Variants in NAV2 observed in about 807,000 individuals in gnomAD.
NAV2 encodes helicase, APC down-regulated 1.
A neutral mutation model predicts 223.2 loss-of-function variants in NAV2; 54 were observed. That is an observed-to-expected ratio of 0.24 (90% CI 0.19 to 0.30). NAV2 has a LOEUF of 0.30. Ranked by LOEUF, NAV2 falls within the 10% of genes least tolerant of loss-of-function variation. NAV2 has a pLI of 1.00. For synonymous variants in NAV2, 1,279 were observed against 1,239.3 expected, an observed-to-expected ratio of 1.03 and a Z score of -0.67; for missense variants, 2,806 against 3,147.5, an observed-to-expected ratio of 0.89 and a Z score of 2.60.
At chr11:20,072,290 G>T (rs1438829134) in intron 22 of NAV2, among the ~76,000 whole-genome samples, 2 of 152,102 alleles carry the variant, frequency 1.3e-5, no homozygotes, top group Non-Finnish European at 2.9e-5. Context: ...CTGTCCCATT[G>T]GTCTATATAT....
intron 1 of NAV2, among the ~76,000 whole-genome samples, chr11:19,669,799 A>G (rs893860210): frequency 2.6e-5 from 4 of 152,224 alleles, no homozygotes; most frequent in Non-Finnish European, 5.9e-5. Flanking sequence ...ACAAGTGCCA[A>G]TGAGTGAGAC....
intron 11 of NAV2, among the ~76,000 whole-genome samples, chr11:19,987,715 A>AG (rs2050922050): frequency 6.6e-6 from 1 of 152,202 alleles, no homozygotes; most frequent in African/African-American, 2.4e-5. Flanking sequence ...GCTTCTAAGA[A>AG]ATAATAAATG....
At chr11:19,825,341 A>G (rs2059595012) in intron 1 of NAV2, among the ~76,000 whole-genome samples, 1 of 148,628 alleles carries the variant, frequency 6.7e-6, no homozygotes, top group African/African-American at 2.5e-5. Context: ...TGATGACATT[A>G]CCAAAGTCTA....
chr11:19,836,218 G>A (rs1463121572), intron 2 of NAV2, among the ~76,000 whole-genome samples: 1 of 152,096 alleles, frequency 6.6e-6, no homozygotes, highest in African/African-American at 2.4e-5. Context: ...ACTTTCTAGG[G>A]ATCTACCACA....
chr11:19,853,038 T>C (rs552817135), intron 3 of NAV2, among the ~76,000 whole-genome samples: 72 of 152,328 alleles, frequency 4.7e-4, no homozygotes, highest in African/African-American at 1.7e-3. Flanking sequence ...AGGGAAATGG[T>C]GTTTGGGTTG....
intron 6 of NAV2, among the ~76,000 whole-genome samples, chr11:19,904,562 G>T (rs560685974): frequency 9.2e-5 from 14 of 152,244 alleles, no homozygotes; most frequent in African/African-American, 2.6e-4. Flanking sequence ...CCCACACAAT[G>T]GTTGGAAATA....
chr11:19,394,902 A>C (rs971071335), intron 1 of NAV2, among the ~76,000 whole-genome samples: 3 of 152,206 alleles, frequency 2.0e-5, no homozygotes, highest in Non-Finnish European at 2.9e-5. Context: ...GGAATGGCTG[A>C]ATGTAACCTG....
intron 8 of NAV2, among the ~76,000 whole-genome samples, chr11:19,941,276 G>A (rs975584802): frequency 1.3e-5 from 2 of 152,036 alleles, no homozygotes; most frequent in African/African-American, 4.8e-5. Flanking sequence ...TCAATCGGCT[G>A]CGGGGAAGAG....
chr11:19,657,584 A>C (rs1483456539), intron 1 of NAV2, among the ~76,000 whole-genome samples: 3 of 151,860 alleles, frequency 2.0e-5, no homozygotes, highest in Admixed American at 6.6e-5. Context: ...TTCTGAAGTC[A>C]CTCCTTCTCT....
upstream of NAV2, chr11:19,710,844 A>T (rs1324639136): frequency 6.6e-6 from 1 of 152,184 alleles, no homozygotes; most frequent in South Asian, 2.1e-4. Context: ...GCATCATTCA[A>T]TCATTCATTC....
At chr11:19,729,229 G>T (rs895674766) in intron 1 of NAV2, among the ~76,000 whole-genome samples, 1 of 152,202 alleles carries the variant, frequency 6.6e-6, no homozygotes, top group African/African-American at 2.4e-5. Context: ...GAGCAAGCAG[G>T]AATGGGATCC....
chr11:19,919,433 G>T (rs716173), intron 6 of NAV2, among the ~76,000 whole-genome samples: 1 of 151,944 alleles, frequency 6.6e-6, no homozygotes, highest in African/African-American at 2.4e-5. Flanking sequence ...AGAACTGTGT[G>T]TTTACTGGGC....
intron 6 of NAV2, among the ~76,000 whole-genome samples, chr11:19,932,764 T>G (rs1035475651): frequency 1.4e-4 from 22 of 152,350 alleles, no homozygotes; most frequent in Admixed American, 4.6e-4. Flanking sequence ...TATTTTAATG[T>G]CTCTGATACA....
At chr11:19,631,786 T>C (rs1872804) in intron 1 of NAV2, among the ~76,000 whole-genome samples, 151,427 of 152,376 alleles carry the variant, frequency 0.99, 75,251 homozygotes, top group Middle Eastern at 1. Flanking sequence ...GCATCATGCC[T>C]GGCTTGTGGC....
chr11:19,370,898 G>C (rs1212386302), intron 1 of NAV2, among the ~76,000 whole-genome samples: 1 of 152,212 alleles, frequency 6.6e-6, no homozygotes, highest in South Asian at 2.1e-4. Context: ...CGATTCCATG[G>C]CTTCATGGGA....
At chr11:19,612,883 C>G (rs1266605210) in intron 1 of NAV2, among the ~76,000 whole-genome samples, 1 of 152,202 alleles carries the variant, frequency 6.6e-6, no homozygotes. Flanking sequence ...TACCAATTTA[C>G]TGTATTAGTC....
chr11:19,993,854 A>G (rs2051588487), intron 11 of NAV2, among the ~76,000 whole-genome samples: 1 of 152,242 alleles, frequency 6.6e-6, no homozygotes, highest in East Asian at 1.9e-4. Context: ...GCTCATAGAA[A>G]ATGCTGGTGA....
At chr11:19,698,134 G>C (rs1363174637) in intron 1 of NAV2, among the ~76,000 whole-genome samples, 1 of 152,148 alleles carries the variant, frequency 6.6e-6, no homozygotes, top group African/African-American at 2.4e-5. Context: ...GGAGAGAACG[G>C]GGTGTAATCG....
intron 10 of NAV2, among the ~76,000 whole-genome samples, chr11:19,950,448 G>A (rs2047293323): frequency 6.6e-6 from 1 of 152,254 alleles, no homozygotes; most frequent in South Asian, 2.1e-4. Context: ...TAGGGACAGA[G>A]CGTAATAGTG....
Sources: gnomAD v4.1 joint callset for allele counts (sites outside exome capture counted in the v4.1 genomes callset) on GRCh38, gnomAD v4.1.1 for gene constraint, MANE v1.5 for transcripts, NCBI Gene and HGNC (gene_info 2026-07-23, HGNC 2026-07-21) for gene names.